Variants in GMDS observed in about 807,000 individuals in gnomAD.
The protein encoded by GMDS is GDP-mannose 4,6 dehydratase.
A neutral mutation model predicts 49.9 loss-of-function variants in GMDS; 20 were observed. That is an observed-to-expected ratio of 0.40 (90% confidence interval 0.28 to 0.58). GMDS has a LOEUF of 0.58. Ranked by LOEUF, GMDS falls within the 20% of genes least tolerant of loss-of-function variation. GMDS has a pLI of 0.42. For synonymous variants in GMDS, 177 were observed against 178.6 expected, an observed-to-expected ratio of 0.99 and a Z score of 0.07; for missense variants, 362 against 481.4, an observed-to-expected ratio of 0.75 and a Z score of 2.32.
intron 9 of GMDS, among the ~76,000 whole-genome samples, chr6:1,657,868 AAG>A (rs1176607976): frequency 0.034 from 4,833 of 141,866 alleles, 257 homozygotes; most frequent in East Asian, 0.12. Flanking sequence ...AAAAAAAAAA[AAG>A]AAAAAGAAAA....
chr6:1,927,726 C>T (rs2113920936), intron 7 of GMDS, among the ~76,000 whole-genome samples: 1 of 152,312 alleles, frequency 6.6e-6, no homozygotes, highest in Middle Eastern at 3.4e-3. Flanking sequence ...CAGCAGCGTC[C>T]TTCTTTCAGA....
At chr6:1,954,477 A>T (rs1763525948) in intron 6 of GMDS, among the ~76,000 whole-genome samples, 1 of 152,228 alleles carries the variant, frequency 6.6e-6, no homozygotes, top group Non-Finnish European at 1.5e-5. Flanking sequence ...AACAGCATTT[A>T]CCCGCAGTAG....
chr6:2,126,927 A>G (rs1180381264), intron 1 of GMDS, among the ~76,000 whole-genome samples: 1 of 152,206 alleles, frequency 6.6e-6, no homozygotes, highest in Non-Finnish European at 1.5e-5. Context: ...CCACCATGCC[A>G]GGGCTAAAAT....
intron 8 of GMDS, among the ~76,000 whole-genome samples, chr6:1,726,853 C>T (rs952347896): frequency 6.6e-5 from 10 of 151,710 alleles, no homozygotes; most frequent in Non-Finnish European, 1.2e-4. Flanking sequence ...TTGGTCAATT[C>T]ATTATTATTA....
At chr6:1,877,313 T>C (rs1759121742) in intron 7 of GMDS, among the ~76,000 whole-genome samples, 1 of 152,026 alleles carries the variant, frequency 6.6e-6, no homozygotes, top group Admixed American at 6.6e-5. Context: ...AGATATCCAT[T>C]AAAAAGTGCA....
In GMDS at chr6:2,145,394, CG is replaced by C. The variant is rs1776502001; in HGVS notation, c.103-20664del. Among the ~76,000 whole-genome samples, 4 of 151,986 alleles carry C rather than the reference CG, an allele frequency of 2.6e-5. No homozygotes were observed. The South Asian group carries it at 8.3e-4, about 32-fold the overall frequency. On this transcript the variant is annotated intron_variant, in intron 1 of 10. Coordinates refer to ENST00000380815, the MANE Select transcript of GMDS (RefSeq NM_001500.4). ...TACTAAAAAAAATATAAAAATTAGC[CG>C]GGCGTGGTGGTGGATGCCTGTAATC...
intron 4 of GMDS, among the ~76,000 whole-genome samples, chr6:2,008,474 A>C (rs1355528102): frequency 1.3e-5 from 2 of 152,262 alleles, no homozygotes; most frequent in East Asian, 3.9e-4. Context: ...TGGACTCAGC[A>C]GTGTGTCCCT....
intron 8 of GMDS, among the ~76,000 whole-genome samples, chr6:1,732,151 C>A (rs991005823): frequency 1.3e-5 from 2 of 152,102 alleles, no homozygotes; most frequent in South Asian, 2.1e-4. Context: ...CATGGTGAAA[C>A]CCTGTCTCTA....
At chr6:1,989,511 C>T (rs910820192) in intron 4 of GMDS, among the ~76,000 whole-genome samples, 5 of 152,218 alleles carry the variant, frequency 3.3e-5, no homozygotes, top group African/African-American at 9.6e-5. Flanking sequence ...TGACACTTCA[C>T]ATTTAAATTC....
At chr6:2,015,889 T>G (rs1377745337) in intron 4 of GMDS, among the ~76,000 whole-genome samples, 1 of 152,024 alleles carries the variant, frequency 6.6e-6, no homozygotes, top group African/African-American at 2.4e-5. Context: ...GAATAGAAGA[T>G]TCATTCTTAG....
chr6:2,242,590 C>T (rs1421905126), intron 1 of GMDS, among the ~76,000 whole-genome samples: 2 of 152,210 alleles, frequency 1.3e-5, no homozygotes, highest in East Asian at 1.9e-4. Flanking sequence ...AGAGCAGTGG[C>T]ATTTGAATCT....
chr6:1,737,896 C>CACATACACACCACACACCACACACAGAT (rs1319009562), intron 8 of GMDS, among the ~76,000 whole-genome samples: 2 of 146,352 alleles, frequency 1.4e-5, no homozygotes, highest in East Asian at 4.0e-4. Context: ...CAACCCCACA[C>CACATACACACCACACACCACACACAGAT]ACATACACAC....
chr6:1,653,719 G>C (rs531766482), intron 9 of GMDS, among the ~76,000 whole-genome samples: 12 of 152,278 alleles, frequency 7.9e-5, no homozygotes, highest in Non-Finnish European at 1.5e-4. Flanking sequence ...TCTCTTCAAC[G>C]AATGGTACTG....
At chr6:1,723,299 AT>A (rs377588647) in intron 9 of GMDS, among the ~76,000 whole-genome samples, 5 of 133,812 alleles carry the variant, frequency 3.7e-5, no homozygotes, top group Non-Finnish European at 7.7e-5. Context: ...GATGTGTCCT[AT>A]TTTTTTTTTT....
At chr6:1,726,392 A>G (rs549358466) in intron 9 of GMDS, 24 bp downstream of exon 9, 3 of 1,532,288 alleles carry the variant, frequency 2.0e-6, no homozygotes, top group Admixed American at 1.7e-5. Context: ...GTGGCCACGC[A>G]CTGGGTGGCC....
chr6:1,843,907 T>C (rs1757263316), intron 7 of GMDS, among the ~76,000 whole-genome samples: 1 of 152,182 alleles, frequency 6.6e-6, no homozygotes, highest in South Asian at 2.1e-4. Flanking sequence ...ACTGAGGCCA[T>C]AGCGTCTGCA....
Position 1,746,979 on chromosome 6 carries a change from T to C in GMDS, c.772-4393A>G, listed in dbSNP as rs144224734. 9.8e-3 allele frequency among the ~76,000 whole-genome samples: 1,491 copies of C among 152,268 alleles called. 21 individuals carry two copies. The highest frequency in any genetic ancestry group is 0.034 in the African/African-American group (1,399 of 41,534). The stretch of plus-strand genomic sequence containing the variant: ...CCTCCCAAAGTGCTGAGATTACAGG[T>C]GTGAGCCACCGCTCCCAGCCTACAA... On this transcript the variant is annotated intron_variant, in intron 7 of 10. Transcript: ENST00000380815.
chr6:2,112,177 A>G (rs1163069760), intron 4 of GMDS, among the ~76,000 whole-genome samples: 1 of 152,268 alleles, frequency 6.6e-6, no homozygotes, highest in Non-Finnish European at 1.5e-5. Flanking sequence ...CAGACTATGT[A>G]CAATTCAGAA....
chr6:2,227,577 G>A (rs978834132), intron 1 of GMDS, among the ~76,000 whole-genome samples: 1 of 152,182 alleles, frequency 6.6e-6, no homozygotes. Flanking sequence ...GTAGTTCCTA[G>A]AGAGTGACTG....
Sources: gnomAD v4.1 joint callset for allele counts (sites outside exome capture counted in the v4.1 genomes callset) on GRCh38, gnomAD v4.1.1 for gene constraint, MANE v1.5 for transcripts, NCBI Gene and HGNC (gene_info 2026-07-23, HGNC 2026-07-21) for gene names.